Variants in NPTXR observed in about 807,000 individuals in gnomAD.
The protein encoded by NPTXR is neuronal pentraxin receptor.
NPTXR carries 12 observed loss-of-function variants against 32.2 expected under a neutral mutation model. The observed-to-expected ratio is 0.37, with a 90% CI of 0.24 to 0.60. The LOEUF (loss-of-function observed/expected upper bound fraction) is 0.60, where lower values mean the gene tolerates loss of function less well. Ranked by LOEUF, NPTXR falls within the 20% of genes least tolerant of loss-of-function variation. The pLI is 0.66. For missense variants in NPTXR, 612 were observed against 682.9 expected, an observed-to-expected ratio of 0.90 and a Z score of 1.16; for synonymous variants, 323 against 315.8, an observed-to-expected ratio of 1.02 and a Z score of -0.24.
Position 38,828,361 on chromosome 22 carries a change from CTGT to C in NPTXR, c.773_775del (p.His258_Ser259delinsArg). 1 of 1,613,044 alleles carries C rather than the reference CTGT, an allele frequency of 6.2e-7. No homozygotes were observed. Among genetic ancestry groups the C allele is most frequent in the Non-Finnish European group, 8.5e-7 (1 of 1,180,006 alleles). On this transcript the variant is annotated inframe_deletion, in exon 2 of 5. Coordinates refer to ENST00000333039, the MANE Select transcript of NPTXR (RefSeq NM_014293.4). Reference sequence around the variant, plus strand: ...CACTTCCTGCCTCTGCCGGCGGCTGCTGTGGCTGAGGGCCACACGCTCCTTCTC... The same window carrying C: ...CACTTCCTGCCTCTGCCGGCGGCTGCGGCTGAGGGCCACACGCTCCTTCTC...
intron 2 of NPTXR, among the ~76,000 whole-genome samples, chr22:38,827,881 C>T (rs2093109704): frequency 6.6e-6 from 1 of 152,098 alleles, no homozygotes; most frequent in Non-Finnish European, 1.5e-5. Flanking sequence ...AAATCCTGAC[C>T]AAGTCATTGA....
At position 38,836,289 on chromosome 22, in the gene NPTXR, C is replaced by T. The variant is rs116363442; in HGVS notation, c.624+6946G>A. On this transcript the variant is annotated intron_variant, in intron 1 of 4. Transcript: ENST00000333039. ...CGATCCAGGGAGAAATGAGGGCTGA[C>T]AGCCGCCAACAGATATCCCAAGAAT... is the stretch of plus-strand genomic sequence containing the variant. Among the ~76,000 whole-genome samples, 1,048 of 152,302 alleles carry T rather than the reference C, an allele frequency of 6.9e-3. 8 individuals are homozygous for T. The highest frequency in any genetic ancestry group is 0.024 in the African/African-American group (1,007 of 41,562).
chr22:38,828,742 C>T (rs997536204), intron 1 of NPTXR, among the ~76,000 whole-genome samples: 3 of 152,258 alleles, frequency 2.0e-5, no homozygotes, highest in Admixed American at 1.3e-4. Context: ...GAGCTGGCCC[C>T]GGCCCTCAAG....
intron 2 of NPTXR, 59 bp downstream of exon 2, chr22:38,828,228 T>C: frequency 7.1e-7 from 1 of 1,416,438 alleles, no homozygotes; most frequent in Non-Finnish European, 9.9e-7. Context: ...ATATATTTTT[T>C]GAATGGCTCT....
In NPTXR at chr22:38,843,350, TG is replaced by T; in HGVS notation, c.508del (p.Gln170ArgfsTer46). ...GGTGTCGCGGCGGGGCCCGGCGCCC[TG>T]GAGGCCGCGCGGCAGGCCGCTCTCG... On this transcript the variant is annotated frameshift_variant, in exon 1 of 5. Coordinates refer to ENST00000333039, the MANE Select transcript of NPTXR (RefSeq NM_014293.4). LOFTEE classifies it high-confidence loss of function. The surrounding 1 kb of genome is among the most constrained non-coding windows in gnomAD (Gnocchi z 5.3). 2 of 1,411,574 alleles carry T rather than the reference TG, an allele frequency of 1.4e-6. No homozygotes were observed. The highest frequency in any genetic ancestry group is 1.8e-6 in the Non-Finnish European group (2 of 1,090,654). 87.4% of individuals were successfully genotyped at this position (1,411,574 alleles called of 1,614,324 possible).
In NPTXR at chr22:38,838,573, A is replaced by AT. The variant is rs139377592; in HGVS notation, c.624+4661dup. Among the ~76,000 whole-genome samples, 377 of 83,202 alleles carry AT rather than the reference A, an allele frequency of 4.5e-3. 15 individuals carry two copies. Among genetic ancestry groups the AT allele is most frequent in the African/African-American group, 0.012 (224 of 18,544 alleles). 54.6% of individuals were successfully genotyped at this position (83,202 alleles called of 152,430 possible). On this transcript the variant is annotated intron_variant, in intron 1 of 4. Coordinates refer to ENST00000333039, the MANE Select transcript of NPTXR (RefSeq NM_014293.4). ...GCACAGGCACCGCCCTCACCTGGCTATTTTTTTTTTTTTTTTTTTTTTTTT... is the reference window on the plus strand; with the variant it reads ...GCACAGGCACCGCCCTCACCTGGCTATTTTTTTTTTTTTTTTTTTTTTTTTT...
intron 1 of NPTXR, among the ~76,000 whole-genome samples, chr22:38,832,972 G>C (rs2093118650): frequency 6.6e-6 from 1 of 152,218 alleles, no homozygotes; most frequent in South Asian, 2.1e-4. Flanking sequence ...GGTGGCTGAG[G>C]CTGGGAGGAT....
At chr22:38,831,873 A>G (rs1568985631) in intron 1 of NPTXR, among the ~76,000 whole-genome samples, 1 of 151,894 alleles carries the variant, frequency 6.6e-6, no homozygotes, top group Non-Finnish European at 1.5e-5. Flanking sequence ...TGAGGCTGGC[A>G]CTCTTCGTAT....
In NPTXR at chr22:38,823,233, G is replaced by T; in HGVS notation, c.1128C>A (p.Asp376Glu). The change falls in exon 4 of 5, where the codon GAC (aspartate) becomes GAA (glutamate). Residue 376 changes from aspartate (D) to glutamate (E), a missense_variant. Physicochemically the swap from Asp to Glu is conservative, Grantham distance 45. Coordinates refer to ENST00000333039, the MANE Select transcript of NPTXR (RefSeq NM_014293.4). ...CGATGCAGATGTGGTGCCAGCCATT[G>T]TCCTTCAGGCTCAGGGGCAGCTGGG... 2 of 1,613,244 alleles carry T rather than the reference G, an allele frequency of 1.2e-6. No homozygotes were observed. Among genetic ancestry groups the T allele is most frequent in the South Asian group, 2.2e-5 (2 of 91,082 alleles).
chr22:38,825,233 G>C (rs1481043205), intron 3 of NPTXR, among the ~76,000 whole-genome samples: 1 of 152,154 alleles, frequency 6.6e-6, no homozygotes, highest in East Asian at 1.9e-4. Context: ...GAGGAAGATG[G>C]GTGGCCCAAG....
chr22:38,832,829 C>T (rs1010223460), intron 1 of NPTXR, among the ~76,000 whole-genome samples: 1 of 151,750 alleles, frequency 6.6e-6, no homozygotes, highest in Admixed American at 6.6e-5. Flanking sequence ...GCTGGTTGCC[C>T]TGCCTAACTC....
intron 1 of NPTXR, among the ~76,000 whole-genome samples, chr22:38,836,500 C>T (rs1402210976): frequency 2.6e-5 from 4 of 152,240 alleles, no homozygotes; most frequent in African/African-American, 9.6e-5. Flanking sequence ...GATCACCAGA[C>T]GCAAGGGTGC....
chr22:38,843,700 C>T lies in NPTXR; in HGVS notation c.159G>A (p.Pro53=). 1.0e-6 allele frequency: 1 copy of T among 995,610 alleles called. No individual in the cohort carries two copies. Among genetic ancestry groups the T allele is most frequent in the Non-Finnish European group, 1.2e-6 (1 of 838,656 alleles). The allele number at this position is 995,610 out of a possible 1,614,324, so 61.7% of individuals were successfully genotyped here. ...GCGCGCTCAGGCTCCGCTGCGGGCC[C>T]GGGGACGCGGCGGCGCCCGAGGCGA... The change falls in exon 1 of 5, where the codon CCG becomes CCA. Residue 53 remains proline, a synonymous_variant. Transcript: ENST00000333039. The surrounding 1 kb of genome is among the most constrained non-coding windows in gnomAD (Gnocchi z 5.3).
chr22:38,826,057 A>G (rs1181185306), intron 3 of NPTXR, among the ~76,000 whole-genome samples: 4 of 151,948 alleles, frequency 2.6e-5, no homozygotes, highest in African/African-American at 4.8e-5. Context: ...GTTAGCCAGG[A>G]TGGTCTCAAT....
In NPTXR at chr22:38,820,017, A is replaced by C. The variant is rs1488343494; in HGVS notation, c.*2592T>G. ...CTCAAGTGACCATGCAAGTGCTGTC[A>C]CCTCCTTCCTAAGACCCCATCCTTC... On this transcript the variant is annotated 3_prime_UTR_variant, in exon 5 of 5. Transcript: ENST00000333039. The C allele has an allele frequency of 1.3e-5, 2 of 152,446 alleles. No homozygotes were observed. Among genetic ancestry groups the C allele is most frequent in the Non-Finnish European group, 2.9e-5 (2 of 68,008 alleles). The allele number at this position is 152,446 out of a possible 1,614,324, so 9.4% of individuals were successfully genotyped here.
In NPTXR at chr22:38,826,489, G is replaced by A. The variant is rs2093106822; in HGVS notation, c.1098+11C>T. 1 of 1,594,670 alleles carries A rather than the reference G, an allele frequency of 6.3e-7. No individual in the cohort carries two copies. Among genetic ancestry groups the A allele is most frequent in the African/African-American group, 1.3e-5 (1 of 74,664 alleles). ...CTCCCCCAGCCAGCCCTCCCTGCCA[G>A]CCCTGCCTACCTTGTCGTTGATCAG... On this transcript the variant is annotated intron_variant, in intron 3 of 4. Coordinates refer to ENST00000333039, the MANE Select transcript of NPTXR (RefSeq NM_014293.4).
rs1173432870 is a variant in NPTXR, at chr22:38,820,877, G to A, written c.*1732C>T. ...ATGCAGCTGTGGTGCCAGATGGGGT[G>A]GCTTTTCTCATCTTTAAGATTATTA... is the stretch of plus-strand genomic sequence containing the variant. On this transcript the variant is annotated 3_prime_UTR_variant, in exon 5 of 5. Transcript: ENST00000333039. 1.3e-5 allele frequency: 2 copies of A among 152,272 alleles called. No individual in the cohort carries two copies. The highest frequency in any genetic ancestry group is 2.4e-5 in the African/African-American group (1 of 41,400). The allele number at this position is 152,272 out of a possible 1,614,324, so 9.4% of individuals were successfully genotyped here.
chr22:38,841,811 T>C (rs568414945), intron 1 of NPTXR, among the ~76,000 whole-genome samples: 1 of 152,174 alleles, frequency 6.6e-6, no homozygotes, highest in African/African-American at 2.4e-5. Flanking sequence ...AACTAAGACT[T>C]CCCTTCATTG....
At position 38,828,471 on chromosome 22, in the gene NPTXR, G is replaced by A. The variant is rs761087359; in HGVS notation, c.666C>T (p.Ala222=). 2 of 1,604,422 alleles carry A rather than the reference G, an allele frequency of 1.2e-6. No individual in the cohort carries two copies. The highest frequency in any genetic ancestry group is 3.4e-5 in the Admixed American group (2 of 59,074). ...GGCCGGTGGGCACAGCAGAGACTGG[G>A]GCTGGGGCAGCTGAGAGGTTCACAC... The change falls in exon 2 of 5, where the codon GCC becomes GCT. Residue 222 remains alanine, a synonymous_variant. Transcript: ENST00000333039.
Sources: gnomAD v4.1 joint callset for allele counts (sites outside exome capture counted in the v4.1 genomes callset) on GRCh38, gnomAD v4.1.1 for gene constraint, Gnocchi (gnomAD v3.1) non-coding constraint, MANE v1.5 for transcripts, NCBI Gene and HGNC (gene_info 2026-07-23, HGNC 2026-07-21) for gene names.